NPHS2: variants seen among roughly 807,000 people sequenced by gnomAD.
NPHS2 encodes podocin.
In NPHS2, 36 loss-of-function variants were observed where a neutral mutation model predicts 37.1. That is an observed-to-expected ratio of 0.97 (90% confidence interval 0.74 to 1.28). NPHS2 has a LOEUF of 1.28. Among genes scored for constraint, NPHS2 ranks in the 50% most tolerant of loss-of-function variants. NPHS2 has a pLI of 0.00. For synonymous variants in NPHS2, 196 were observed against 189.3 expected, an observed-to-expected ratio of 1.04 and a Z score of -0.29; for missense variants, 447 against 488.1, an observed-to-expected ratio of 0.92 and a Z score of 0.79.
rs768932711 is a variant in NPHS2 at position 179,551,219 on chromosome 1, G to A, written c.1106C>T (p.Pro369Leu). 1.2e-6 allele frequency: 2 copies of A among 1,614,136 alleles called. No homozygotes were observed. Among genetic ancestry groups the A allele is most frequent in the South Asian group, 2.2e-5 (2 of 91,078 alleles). Residue 369 changes from proline to leucine, a missense_variant, in exon 8 of 8, where the codon CCT (proline) becomes CTT (leucine). Pro to Leu is a moderately conservative substitution (Grantham distance 98). Transcript: ENST00000367615. ...CTTTTTAGGATTTAGTGGCTCAACA[G>A]GTTTGGAAGGACTTGGGAAGGGGAG... The part of the protein sequence containing the change: ...GSLPFPSPSK[P>L]VEPLNPKKKD...
At chr1:179,573,710 AT>A (rs1371128234) in intron 1 of NPHS2, among the ~76,000 whole-genome samples, 5 of 152,370 alleles carry the variant, frequency 3.3e-5, no homozygotes, top group African/African-American at 9.6e-5. Context: ...GTAAAAATAA[AT>A]AAATGCATAT....
At chr1:179,574,713 C>T (rs1012600967) in intron 1 of NPHS2, among the ~76,000 whole-genome samples, 2 of 152,208 alleles carry the variant, frequency 1.3e-5, no homozygotes, top group Admixed American at 6.5e-5. Context: ...CAGCAGGAAG[C>T]AATATAACAC....
At position 179,559,754 on chromosome 1, in the gene NPHS2, G is replaced by T; in HGVS notation, c.459C>A (p.Phe153Leu). Residue 153 changes from phenylalanine (F) to leucine (L), a missense_variant, in exon 4 of 8, where the codon TTC (phenylalanine) becomes TTA (leucine). By Grantham distance (22) the Phe-to-Leu change is conservative (BLOSUM62 0). Transcript: ENST00000367615. ...AGGTATCCAGGCAGGGCAAAAAAAA[G>T]AAAAGACCTAAAAGAGAGGAGGAGG... ...LPGRAKGPGLFFFLPCLDTYH... is the reference protein window; with the variant it reads ...LPGRAKGPGLLFFLPCLDTYH... The T allele has an allele frequency of 6.3e-7, 1 of 1,579,278 alleles. No individual in the cohort carries two copies. The highest frequency in any genetic ancestry group is 8.6e-7 in the Non-Finnish European group (1 of 1,158,560).
intron 3 of NPHS2, among the ~76,000 whole-genome samples, chr1:179,560,009 T>C (rs1288227417): frequency 6.6e-6 from 1 of 152,182 alleles, no homozygotes; most frequent in Non-Finnish European, 1.5e-5. Context: ...CTTTTAGTCA[T>C]GGTGCTGCCT....
chr1:179,574,519 C>T (rs1016489954), intron 1 of NPHS2, among the ~76,000 whole-genome samples: 2 of 152,194 alleles, frequency 1.3e-5, no homozygotes, highest in African/African-American at 2.4e-5. Flanking sequence ...GCATTGAACC[C>T]AGCAACCATT....
intron 7 of NPHS2, 143 bp downstream of exon 7, chr1:179,552,460 G>T: frequency 2.8e-6 from 2 of 708,958 alleles, no homozygotes; most frequent in Non-Finnish European, 5.1e-6. Flanking sequence ...CACTTTAAGA[G>T]AGCAATTTTA....
chr1:179,560,355 C>T (rs1674088025), intron 3 of NPHS2, among the ~76,000 whole-genome samples: 1 of 152,136 alleles, frequency 6.6e-6, no homozygotes, highest in Non-Finnish European at 1.5e-5. Context: ...TTTCTGAGAG[C>T]CCATTGGATT....
chr1:179,565,492 ATCTCTGGCAGAAG>A (rs1424570837), intron 1 of NPHS2, among the ~76,000 whole-genome samples: 5 of 152,206 alleles, frequency 3.3e-5, no homozygotes, highest in South Asian at 4.1e-4. Context: ...TATATCACCT[ATCTCTGGCAGAAG>A]GATAAAATAA....
intron 1 of NPHS2, among the ~76,000 whole-genome samples, chr1:179,566,438 G>C (rs1212739707): frequency 6.6e-6 from 1 of 152,052 alleles, no homozygotes; most frequent in East Asian, 1.9e-4. Flanking sequence ...AAATTTGTTT[G>C]AGTTCTTTGT....
intron 1 of NPHS2, among the ~76,000 whole-genome samples, chr1:179,569,262 T>C (rs1181657997): frequency 4.6e-5 from 7 of 151,976 alleles, no homozygotes; most frequent in South Asian, 2.1e-4. Flanking sequence ...ATATTTAGGA[T>C]AGTTAGCTCT....
rs1279426794 is a variant in NPHS2, at chr1:179,550,593, C to T, written c.*580G>A. 1 of 153,344 alleles carries T rather than the reference C, an allele frequency of 6.5e-6. No individual in the cohort carries two copies. The highest frequency in any genetic ancestry group is 1.5e-5 in the Non-Finnish European group (1 of 68,806). 9.5% of individuals were successfully genotyped at this position (153,344 alleles called of 1,614,324 possible). A position where few individuals can be genotyped will look rare whatever the true frequency, so the allele number is the denominator to read the frequency against. ...ATTGTATATCCGACTCCAAGTACAT[C>T]TCTCTTTTTTGCATTCACTCTGAAA... On this transcript the variant is annotated 3_prime_UTR_variant, in exon 8 of 8. Coordinates refer to ENST00000367615, the MANE Select transcript of NPHS2 (RefSeq NM_014625.4).
chr1:179,560,101 G>A (rs1389756999), intron 3 of NPHS2, among the ~76,000 whole-genome samples: 1 of 152,078 alleles, frequency 6.6e-6, no homozygotes, highest in Non-Finnish European at 1.5e-5. Flanking sequence ...GTTAGCCTTA[G>A]TGTCTGACTT....
Position 179,550,987 on chromosome 1 carries a change from C to T in NPHS2, c.*186G>A. On this transcript the variant is annotated 3_prime_UTR_variant, in exon 8 of 8. Transcript: ENST00000367615. ...TAGATGAGTCACGGAAACATGTTGT[C>T]TGCCTTCTCTGTCATTACATCATTT... The T allele has an allele frequency of 2.9e-6, 2 of 689,582 alleles. No homozygotes were observed. The highest frequency in any genetic ancestry group is 4.9e-6 in the Non-Finnish European group (2 of 405,922). The allele number at this position is 689,582 out of a possible 1,614,324, so 42.7% of individuals were successfully genotyped here.
intron 6 of NPHS2, among the ~76,000 whole-genome samples, chr1:179,553,171 A>C (rs536973087): frequency 6.6e-6 from 1 of 152,348 alleles, no homozygotes; most frequent in South Asian, 2.1e-4. Flanking sequence ...TTATAACTAT[A>C]AAAATGCATA....
chr1:179,552,562 C>A, intron 7 of NPHS2, 41 bp downstream of exon 7: 1 of 1,528,544 alleles, frequency 6.5e-7, no homozygotes, highest in South Asian at 1.1e-5. Flanking sequence ...ACGAGCAGGC[C>A]TTCCTAAAGG....
intron 1 of NPHS2, among the ~76,000 whole-genome samples, chr1:179,574,064 T>G (rs1197472109): frequency 6.6e-6 from 1 of 152,160 alleles, no homozygotes; most frequent in Non-Finnish European, 1.5e-5. Context: ...CTGTTCCCCG[T>G]GAGCTTCAGA....
At chr1:179,565,006 C>T (rs112588383) in intron 1 of NPHS2, among the ~76,000 whole-genome samples, 44 of 152,122 alleles carry the variant, frequency 2.9e-4, no homozygotes, top group African/African-American at 8.9e-4. Flanking sequence ...CACAGTGGCT[C>T]ACGCCTGTCA....
intron 6 of NPHS2, 118 bp downstream of exon 6, chr1:179,554,358 A>C: frequency 8.3e-7 from 1 of 1,201,934 alleles, no homozygotes. Flanking sequence ...TTTTTTATAA[A>C]TTTATGCTGA....
In NPHS2 at chr1:179,562,390, G is replaced by A. The variant is rs1037760386; in HGVS notation, c.379-1029C>T. 7.9e-5 allele frequency among the ~76,000 whole-genome samples: 12 copies of A among 152,020 alleles called. No homozygotes were observed. The East Asian group carries it at 9.7e-4, about 12-fold the overall frequency. Reference sequence around the variant, plus strand: ...CAGATGAGGCACTCCTTGATGATACGGAATTAATCTTTTTTTTCTCAGTGC... The same window carrying A: ...CAGATGAGGCACTCCTTGATGATACAGAATTAATCTTTTTTTTCTCAGTGC... On this transcript the variant is annotated intron_variant, in intron 2 of 7. Coordinates refer to ENST00000367615, the MANE Select transcript of NPHS2 (RefSeq NM_014625.4).
Sources: allele counts gnomAD v4.1 joint callset (sites outside exome capture counted in the v4.1 genomes callset), GRCh38; gene constraint gnomAD v4.1.1; transcripts MANE v1.5; gene names NCBI Gene and HGNC (gene_info 2026-07-23, HGNC 2026-07-21).